Variants in NEK10 observed in about 807,000 individuals in gnomAD.
NEK10 encodes the protein NIMA related kinase 10.
A neutral mutation model predicts 159.8 loss-of-function variants in NEK10; 122 were observed. The observed-to-expected ratio is 0.76, with a 90% CI of 0.66 to 0.89. The LOEUF (loss-of-function observed/expected upper bound fraction) is 0.89. Among genes scored for constraint, NEK10 ranks in the 40% least tolerant of loss-of-function variants. The pLI is 0.00. For missense variants in NEK10, 1,342 were observed against 1,323.1 expected, an observed-to-expected ratio of 1.01 and a Z score of -0.22; for synonymous variants, 466 against 457.1, an observed-to-expected ratio of 1.02 and a Z score of -0.25.
chr3:27,170,288 A>G (rs1375680817), intron 29 of NEK10, among the ~76,000 whole-genome samples: 2 of 152,152 alleles, frequency 1.3e-5, no homozygotes, highest in African/African-American at 4.8e-5. Flanking sequence ...CAACCTCAAC[A>G]GGTGCCCCAG....
chr3:27,222,244 G>A (rs1952189459), intron 23 of NEK10, among the ~76,000 whole-genome samples: 1 of 152,130 alleles, frequency 6.6e-6, no homozygotes, highest in African/African-American at 2.4e-5. Context: ...ATGGTGGCCG[G>A]TGCCTGTAGT....
chr3:27,119,048 G>A (rs1347296778), intron 33 of NEK10, among the ~76,000 whole-genome samples: 2 of 152,224 alleles, frequency 1.3e-5, no homozygotes, highest in Non-Finnish European at 2.9e-5. Flanking sequence ...AAACCTCAGA[G>A]TAGCTTGAAA....
chr3:27,167,101 G>C (rs73036939), intron 29 of NEK10, among the ~76,000 whole-genome samples: 18,554 of 151,984 alleles, frequency 0.12, 1,347 homozygotes, highest in Non-Finnish European at 0.17. Flanking sequence ...ACTATACCCT[G>C]TTGCCTTGGT....
chr3:27,230,998 C>T (rs1953197378), intron 23 of NEK10, among the ~76,000 whole-genome samples: 1 of 151,962 alleles, frequency 6.6e-6, no homozygotes, highest in African/African-American at 2.4e-5. Flanking sequence ...TAAACTATAT[C>T]CTAGAACAAA....
At chr3:27,290,491 C>T (rs2042921226) in intron 19 of NEK10, 126 bp downstream of exon 19, 4 of 665,960 alleles carry the variant, frequency 6.0e-6, no homozygotes, top group Non-Finnish European at 9.5e-6. Context: ...AATATCACTG[C>T]TTCAGTGTCA....
intron 23 of NEK10, among the ~76,000 whole-genome samples, chr3:27,211,128 C>A (rs1950974984): frequency 6.6e-6 from 1 of 152,136 alleles, no homozygotes; most frequent in South Asian, 2.1e-4. Context: ...TGAGTCAAAT[C>A]AGACTCAATT....
At chr3:27,182,472 G>C (rs1948219115) in intron 26 of NEK10, among the ~76,000 whole-genome samples, 1 of 152,046 alleles carries the variant, frequency 6.6e-6, no homozygotes, top group Admixed American at 6.6e-5. Context: ...TGCAAGAAAG[G>C]GGAACCCTTG....
chr3:27,290,819 G>A, intron 18 of NEK10, 65 bp from the exon 19 acceptor site: 1 of 1,271,286 alleles, frequency 7.9e-7, no homozygotes, highest in Non-Finnish European at 1.1e-6. Flanking sequence ...GAGAGAAAGA[G>A]GAAGAAAGAG....
chr3:27,336,018 A>G (rs1241616306), intron 5 of NEK10, among the ~76,000 whole-genome samples: 4 of 152,178 alleles, frequency 2.6e-5, no homozygotes, highest in Admixed American at 2.0e-4. Context: ...ATCAGAGCAG[A>G]ATTAAACAAA....
At chr3:27,343,529 G>C (rs576362757) in intron 5 of NEK10, among the ~76,000 whole-genome samples, 2 of 152,298 alleles carry the variant, frequency 1.3e-5, no homozygotes, top group Non-Finnish European at 2.9e-5. Flanking sequence ...TTCAGCTGAT[G>C]CATCTGTGAA....
In NEK10 at chr3:27,321,131, G is replaced by T. The variant is rs78230751; in HGVS notation, c.447+1046C>A. ...AGGTGTGAGCTTCCTAGTAGCTTAC[G>T]AGGGCAGGGCATAAAAGGAGACACT... On this transcript the variant is annotated intron_variant, in intron 6 of 35. Coordinates refer to ENST00000691995, the MANE Select transcript of NEK10 (RefSeq NM_001394966.1). Among the ~76,000 whole-genome samples, 1,078 of 150,954 alleles carry T rather than the reference G, an allele frequency of 7.1e-3. 15 individuals carry two copies. Among genetic ancestry groups the T allele is most frequent in the East Asian group, 0.063 (322 of 5,142 alleles).
At chr3:27,308,605 T>C (rs991659332) in intron 10 of NEK10, among the ~76,000 whole-genome samples, 2 of 152,180 alleles carry the variant, frequency 1.3e-5, no homozygotes, top group African/African-American at 4.8e-5. Flanking sequence ...CAGGTAAGAA[T>C]GAATTAAGAT....
intron 23 of NEK10, among the ~76,000 whole-genome samples, chr3:27,233,981 A>G (rs1953614573): frequency 6.6e-6 from 1 of 152,104 alleles, no homozygotes; most frequent in African/African-American, 2.4e-5. Context: ...AAATCAATAA[A>G]TGTGATTCAT....
intron 23 of NEK10, among the ~76,000 whole-genome samples, chr3:27,229,662 A>G (rs1286127920): frequency 6.6e-6 from 1 of 152,162 alleles, no homozygotes; most frequent in East Asian, 1.9e-4. Context: ...AGAGATAGAT[A>G]TCATAAGGAA....
chr3:27,346,128 T>C lies in NEK10; in HGVS notation c.221A>G (p.Gln74Arg). 1.9e-6 allele frequency: 3 copies of C among 1,613,774 alleles called. No homozygotes were observed. The highest frequency in any genetic ancestry group is 2.5e-6 in the Non-Finnish European group (3 of 1,179,710). Residue 74 changes from glutamine to arginine, a missense_variant, in exon 4 of 36, where the codon CAG becomes CGG. Gln to Arg is a conservative substitution (Grantham distance 43). Transcript: ENST00000691995. ...AACAGCTTCTGTGGATTCATGCCAC[T>C]GACCCCGAGCTCTGTGTCCACCCGC... is the stretch of plus-strand genomic sequence containing the variant. Reference protein sequence around the residue: ...IRAGGHRARGQWHESTEAVEL... With the variant: ...IRAGGHRARGRWHESTEAVEL...
intron 23 of NEK10, among the ~76,000 whole-genome samples, chr3:27,206,310 T>C (rs71323271): frequency 0.23 from 35,732 of 152,084 alleles, 4,544 homozygotes; most frequent in Middle Eastern, 0.38. Flanking sequence ...TGGGGCTCAC[T>C]TTCTAGTAAG....
Position 27,310,988 on chromosome 3 carries a change from T to A in NEK10, c.597A>T (p.Lys199Asn), listed in dbSNP as rs533360363. The change falls in exon 9 of 36, where the codon AAA (lysine) becomes AAT (asparagine). Residue 199 changes from lysine (K) to asparagine (N), a missense_variant. Coordinates refer to ENST00000691995, the MANE Select transcript of NEK10 (RefSeq NM_001394966.1). ...TTGTGGTGACCCATTCTCTTTGATCTTTGACTGCAGCAAGTTTTTGAAAAA... is the reference window on the plus strand; with the variant it reads ...TTGTGGTGACCCATTCTCTTTGATCATTGACTGCAGCAAGTTTTTGAAAAA... ...TYIFQKLAAV[K>N]DQREWVTTSG... 1 of 1,612,406 alleles carries A rather than the reference T, an allele frequency of 6.2e-7. No homozygotes were observed. Among genetic ancestry groups the A allele is most frequent in the Non-Finnish European group, 8.5e-7 (1 of 1,178,628 alleles).
At chr3:27,159,789 A>G (rs1012419228) in intron 30 of NEK10, among the ~76,000 whole-genome samples, 1 of 151,978 alleles carries the variant, frequency 6.6e-6, no homozygotes, top group African/African-American at 2.4e-5. Context: ...TGTTATTACC[A>G]TGACATGAAC....
chr3:27,284,064 T>A (rs902982012), intron 22 of NEK10, among the ~76,000 whole-genome samples: 1 of 152,194 alleles, frequency 6.6e-6, no homozygotes, highest in Non-Finnish European at 1.5e-5. Context: ...GGTAGCCACT[T>A]ATCACATAGG....
Sources: gnomAD v4.1 joint callset for allele counts (sites outside exome capture counted in the v4.1 genomes callset) on GRCh38, gnomAD v4.1.1 for gene constraint, MANE v1.5 for transcripts, NCBI Gene and HGNC (gene_info 2026-07-23, HGNC 2026-07-21) for gene names.